MET: variants seen among roughly 807,000 people sequenced by gnomAD.
MET encodes the protein hepatocyte growth factor receptor.
MET carries 48 observed loss-of-function variants against 133.1 expected under a neutral mutation model. The ratio of observed to expected loss-of-function variants is 0.36; its 90% CI spans 0.29 to 0.46. MET has a LOEUF of 0.46. MET is among the 20% of genes least tolerant of loss of function. The probability of loss-of-function intolerance (pLI) is 1.00; values close to 1 mark genes in which losing one functional copy is unlikely to be tolerated. For missense variants in MET, 1,442 were observed against 1,695.9 expected, an observed-to-expected ratio of 0.85 and a Z score of 2.63; for synonymous variants, 628 against 616.5, an observed-to-expected ratio of 1.02 and a Z score of -0.28.
chr7:116,794,225 C>T (rs576518957), intron 19 of MET, among the ~76,000 whole-genome samples: 1 of 152,306 alleles, frequency 6.6e-6, no homozygotes, highest in African/African-American at 2.4e-5. Context: ...GTAACTTGAA[C>T]AGTAACCTAC....
chr7:116,680,590 G>C (rs530813702), intron 1 of MET, among the ~76,000 whole-genome samples: 1 of 152,112 alleles, frequency 6.6e-6, no homozygotes, highest in Non-Finnish European at 1.5e-5. Context: ...AAGTCATAAA[G>C]AGGGTGTCCC....
intron 1 of MET, among the ~76,000 whole-genome samples, chr7:116,685,132 G>A (rs1418531157): frequency 1.3e-5 from 2 of 152,126 alleles, no homozygotes; most frequent in East Asian, 3.9e-4. Context: ...ATATCCAACT[G>A]CTCCTTCTTG....
At chr7:116,708,070 A>G (rs1791864891) in intron 2 of MET, among the ~76,000 whole-genome samples, 1 of 152,162 alleles carries the variant, frequency 6.6e-6, no homozygotes, top group Admixed American at 6.6e-5. Context: ...ACAATGGAGA[A>G]TGAGCTAGAC....
intron 3 of MET, among the ~76,000 whole-genome samples, chr7:116,733,371 C>T (rs542718741): frequency 3.3e-5 from 5 of 151,652 alleles, no homozygotes; most frequent in African/African-American, 1.2e-4. Flanking sequence ...CAAAATCGTC[C>T]ATTACCTCAC....
At chr7:116,727,387 C>T (rs1179986381) in intron 2 of MET, among the ~76,000 whole-genome samples, 1 of 152,306 alleles carries the variant, frequency 6.6e-6, no homozygotes, top group Non-Finnish European at 1.5e-5. Flanking sequence ...GATAAAACCT[C>T]ACAGGGCTGC....
intron 6 of MET, among the ~76,000 whole-genome samples, chr7:116,756,378 A>G (rs1161961634): frequency 6.6e-6 from 1 of 152,198 alleles, no homozygotes; most frequent in African/African-American, 2.4e-5. Flanking sequence ...TTTTATATCT[A>G]ATAGAATTCA....
At position 116,699,267 on chromosome 7, in the gene MET, C is replaced by T. The variant is rs1584876047; in HGVS notation, c.183C>T (p.His61=). ...AGAATGTCATTCTACATGAGCATCA[C>T]ATTTTCCTTGGTGCCACTAACTACA... ...PIQNVILHEH[H]IFLGATNYIY... is the part of the protein sequence containing the mutation. The change falls in exon 2 of 21, where the codon CAC becomes CAT. Residue 61 remains histidine, a synonymous_variant. Coordinates refer to ENST00000397752, the MANE Select transcript of MET (RefSeq NM_000245.4). 1 of 1,614,000 alleles carries T rather than the reference C, an allele frequency of 6.2e-7. No homozygotes were observed. The highest frequency in any genetic ancestry group is 8.5e-7 in the Non-Finnish European group (1 of 1,179,912).
chr7:116,713,923 T>G (rs1453947690), intron 2 of MET, among the ~76,000 whole-genome samples: 1 of 152,228 alleles, frequency 6.6e-6, no homozygotes, highest in African/African-American at 2.4e-5. Context: ...GAACTACTTC[T>G]GTTTTATTTG....
intron 2 of MET, among the ~76,000 whole-genome samples, chr7:116,701,217 G>A (rs1791563879): frequency 6.6e-6 from 1 of 152,118 alleles, no homozygotes; most frequent in Non-Finnish European, 1.5e-5. Context: ...ATCTGGGCCA[G>A]ATTTGGAATA....
rs1390039369 is a variant in MET, at chr7:116,763,141, C to T, written c.2456C>T (p.Ala819Val). The change falls in exon 11 of 21, where the codon GCC becomes GTC. Residue 819 changes from alanine (A) to valine (V), a missense_variant. Transcript: ENST00000397752. ...CTGCAACTCCCCCTGAAAACCAAAG[C>T]CTTTTTCATGTTAGATGGGATCCTT... ...LNLQLPLKTK[A>V]FFMLDGILSK... 1 of 1,613,944 alleles carries T rather than the reference C, an allele frequency of 6.2e-7. No homozygotes were observed. Among genetic ancestry groups the T allele is most frequent in the South Asian group, 1.1e-5 (1 of 91,074 alleles).
At chr7:116,735,151 G>A (rs1260566494) in intron 3 of MET, among the ~76,000 whole-genome samples, 1 of 152,096 alleles carries the variant, frequency 6.6e-6, no homozygotes, top group African/African-American at 2.4e-5. Flanking sequence ...GCTCCCAATG[G>A]CCACAGCCTG....
rs1453842331 is a variant in MET, at chr7:116,795,967, C to T, written c.4016C>T (p.Ala1339Val). The T allele has an allele frequency of 4.7e-5, 76 of 1,614,010 alleles. No individual in the cohort carries two copies. Among genetic ancestry groups the T allele is most frequent in the Middle Eastern group, 1.6e-4 (1 of 6,084 alleles). ...TCTGAACTGGTGTCCCGGATATCAG[C>T]GATCTTCTCTACTTTCATTGGGGAG... The part of the protein sequence containing the change: ...SFSELVSRIS[A>V]IFSTFIGEHY... Residue 1339 changes from alanine (A) to valine (V), a missense_variant, in exon 21 of 21, where the codon GCG (alanine) becomes GTG (valine). By Grantham distance (64) the Ala-to-Val change is moderately conservative (BLOSUM62 0). Around this residue, in one of 6 missense-constraint regions of MET, gnomAD observed 94 missense variants for 109.5 expected, o/e 0.86. Transcript: ENST00000397752.
At chr7:116,698,762 G>A (rs1250057707) in intron 1 of MET, among the ~76,000 whole-genome samples, 1 of 152,176 alleles carries the variant, frequency 6.6e-6, no homozygotes, top group Non-Finnish European at 1.5e-5. Context: ...AAGTTGCTAT[G>A]TTTTTTCTTT....
At chr7:116,698,331 TG>T (rs1797039523) in intron 1 of MET, among the ~76,000 whole-genome samples, 1 of 152,218 alleles carries the variant, frequency 6.6e-6, no homozygotes, top group African/African-American at 2.4e-5. Flanking sequence ...AACAATATGT[TG>T]TTTTTCCCTG....
intron 5 of MET, among the ~76,000 whole-genome samples, chr7:116,746,460 G>A (rs1191215964): frequency 6.6e-6 from 1 of 152,170 alleles, no homozygotes; most frequent in Non-Finnish European, 1.5e-5. Context: ...AAAGCATGCT[G>A]CTGTAAAGAC....
intron 17 of MET, 95 bp from the exon 18 acceptor site, chr7:116,781,893 G>T: frequency 1.2e-6 from 1 of 865,152 alleles, no homozygotes; most frequent in Non-Finnish European, 1.9e-6. Context: ...TTTGAGACAA[G>T]ATAATTTTTT....
At chr7:116,750,828 C>G (rs764720791) in intron 5 of MET, among the ~76,000 whole-genome samples, 1 of 152,190 alleles carries the variant, frequency 6.6e-6, no homozygotes, top group East Asian at 1.9e-4. Context: ...AAAAGCTCAT[C>G]ATCACTGGTT....
intron 2 of MET, among the ~76,000 whole-genome samples, chr7:116,708,118 T>C (rs542987892): frequency 3.3e-5 from 5 of 152,270 alleles, no homozygotes; most frequent in African/African-American, 4.8e-5. Flanking sequence ...CTAGTGAAGA[T>C]GACAGTAAAC....
intron 3 of MET, among the ~76,000 whole-genome samples, chr7:116,734,806 A>T (rs1196510883): frequency 6.6e-6 from 1 of 152,182 alleles, no homozygotes; most frequent in East Asian, 1.9e-4. Context: ...GGGAACATTA[A>T]CACAGTGTAC....
Sources: gnomAD v4.1 joint callset for allele counts (sites outside exome capture counted in the v4.1 genomes callset) on GRCh38, gnomAD v4.1.1 for gene constraint, gnomAD v4.1.1 regional missense constraint, MANE v1.5 for transcripts, NCBI Gene and HGNC (gene_info 2026-07-23, HGNC 2026-07-21) for gene names.